Variants in OSBPL1A observed in about 807,000 individuals in gnomAD.
The protein encoded by OSBPL1A is oxysterol binding protein like 1A.
In OSBPL1A, 80 loss-of-function variants were observed where a neutral mutation model predicts 137.1. The observed-to-expected ratio is 0.58, with a 90% CI of 0.49 to 0.70. OSBPL1A has a LOEUF of 0.70. OSBPL1A is among the 30% of genes least tolerant of loss of function. OSBPL1A has a pLI of 0.00. For missense variants in OSBPL1A, 970 were observed against 1,129.4 expected, an observed-to-expected ratio of 0.86 and a Z score of 2.02; for synonymous variants, 365 against 389.7, an observed-to-expected ratio of 0.94 and a Z score of 0.75.
chr18:24,186,130 A>G (rs866629838), intron 18 of OSBPL1A, among the ~76,000 whole-genome samples: 6 of 152,346 alleles, frequency 3.9e-5, no homozygotes, highest in Non-Finnish European at 7.3e-5. Flanking sequence ...GAAAGATCAA[A>G]TTATCTTTCT....
chr18:24,175,849 T>G (rs540252872), intron 21 of OSBPL1A, among the ~76,000 whole-genome samples: 1 of 152,232 alleles, frequency 6.6e-6, no homozygotes, highest in African/African-American at 2.4e-5. Context: ...TTTTAACATA[T>G]AGATGTCCAA....
chr18:24,253,480 T>G (rs1467915277), intron 15 of OSBPL1A, among the ~76,000 whole-genome samples: 1 of 152,144 alleles, frequency 6.6e-6, no homozygotes, highest in African/African-American at 2.4e-5. Flanking sequence ...CAGAACCGAT[T>G]TATCAAAACA....
intron 7 of OSBPL1A, among the ~76,000 whole-genome samples, chr18:24,330,804 C>A (rs994335021): frequency 2.8e-5 from 4 of 142,656 alleles, no homozygotes; most frequent in Non-Finnish European, 6.2e-5. Context: ...GAAACTATTT[C>A]TTTTTTTTTG....
intron 23 of OSBPL1A, 49 bp from the exon 24 acceptor site, chr18:24,170,502 T>A: frequency 6.2e-7 from 1 of 1,610,852 alleles, no homozygotes; most frequent in Non-Finnish European, 8.5e-7. Flanking sequence ...TTTGTTTTTT[T>A]AAAGCCGACA....
intron 5 of OSBPL1A, among the ~76,000 whole-genome samples, chr18:24,335,844 T>C (rs2091166426): frequency 6.6e-6 from 1 of 152,244 alleles, no homozygotes; most frequent in Admixed American, 6.5e-5. Flanking sequence ...CTGCTGAAAT[T>C]AGTTTACCTT....
chr18:24,331,082 C>A (rs1311386459), intron 7 of OSBPL1A, among the ~76,000 whole-genome samples: 8 of 152,238 alleles, frequency 5.3e-5, no homozygotes, highest in Admixed American at 1.3e-4. Flanking sequence ...CTTGAGCCAC[C>A]GGCCTGGCCT....
At chr18:24,388,800 C>CAAAAA (rs57143270) in intron 1 of OSBPL1A, among the ~76,000 whole-genome samples, 5 of 82,828 alleles carry the variant, frequency 6.0e-5, no homozygotes, top group East Asian at 3.4e-4. Flanking sequence ...GACTCTGTCT[C>CAAAAA]AAAAAAAAAA....
intron 21 of OSBPL1A, among the ~76,000 whole-genome samples, chr18:24,175,102 G>GTA (rs2086390578): frequency 2.4e-5 from 2 of 83,612 alleles, no homozygotes; most frequent in East Asian, 3.1e-4. Context: ...TATTTGCCAT[G>GTA]TGTATGTATA....
intron 16 of OSBPL1A, among the ~76,000 whole-genome samples, chr18:24,230,775 A>G (rs2088248058): frequency 6.6e-6 from 1 of 152,224 alleles, no homozygotes; most frequent in African/African-American, 2.4e-5. Flanking sequence ...AAACAGCATA[A>G]AAGATTTATG....
At chr18:24,353,304 A>G (rs1223487302) in intron 4 of OSBPL1A, among the ~76,000 whole-genome samples, 3 of 152,232 alleles carry the variant, frequency 2.0e-5, no homozygotes, top group African/African-American at 7.2e-5. Flanking sequence ...GCAGCCAAAA[A>G]ACACATGAAA....
intron 9 of OSBPL1A, 51 bp downstream of exon 9, chr18:24,318,549 AC>A: frequency 7.1e-7 from 1 of 1,412,000 alleles, no homozygotes; most frequent in Non-Finnish European, 9.8e-7. Flanking sequence ...GAAATAGAGC[AC>A]CTGAGAATTA....
chr18:24,321,761 T>G (rs377320425), intron 7 of OSBPL1A: 110 of 472,054 alleles, frequency 2.3e-4, no homozygotes, highest in Non-Finnish European at 4.3e-4. Flanking sequence ...AATAAATTTT[T>G]TAAAAAGAAA....
intron 2 of OSBPL1A, among the ~76,000 whole-genome samples, chr18:24,374,970 G>A (rs1905975615): frequency 6.6e-6 from 1 of 151,960 alleles, no homozygotes; most frequent in African/African-American, 2.4e-5. Flanking sequence ...CAAACACCAA[G>A]CTAGAGGAAA....
At chr18:24,224,835 C>A (rs915886675) in intron 17 of OSBPL1A, among the ~76,000 whole-genome samples, 1 of 152,174 alleles carries the variant, frequency 6.6e-6, no homozygotes, top group Admixed American at 6.5e-5. Context: ...GATTGCTAAG[C>A]CCATGTGCTC....
chr18:24,244,113 C>T (rs1374537654), intron 15 of OSBPL1A, among the ~76,000 whole-genome samples: 2 of 152,258 alleles, frequency 1.3e-5, no homozygotes, highest in East Asian at 3.9e-4. Context: ...AAATATTCAC[C>T]TTACTTTTGA....
At chr18:24,370,898 A>C (rs1281185108) in intron 2 of OSBPL1A, among the ~76,000 whole-genome samples, 1 of 152,024 alleles carries the variant, frequency 6.6e-6, no homozygotes, top group African/African-American at 2.4e-5. Flanking sequence ...CAAACTCCTG[A>C]GCTCAAGTGA....
At chr18:24,232,933 T>G (rs1226947062) in intron 16 of OSBPL1A, among the ~76,000 whole-genome samples, 1 of 152,212 alleles carries the variant, frequency 6.6e-6, no homozygotes, top group East Asian at 1.9e-4. Flanking sequence ...TCTATTGGTT[T>G]TGCCCATCTA....
chr18:24,298,695 G>C (rs752818117), intron 14 of OSBPL1A, among the ~76,000 whole-genome samples: 1 of 152,198 alleles, frequency 6.6e-6, no homozygotes, highest in Non-Finnish European at 1.5e-5. Context: ...TTAGGGTCTG[G>C]ATTGGGACCC....
intron 15 of OSBPL1A, among the ~76,000 whole-genome samples, chr18:24,267,073 G>A (rs1351395444): frequency 6.6e-6 from 1 of 151,204 alleles, no homozygotes; most frequent in Admixed American, 6.6e-5. Context: ...AAATTTATTT[G>A]GAGATATCCA....
Sources: allele counts gnomAD v4.1 joint callset (sites outside exome capture counted in the v4.1 genomes callset), GRCh38; gene constraint gnomAD v4.1.1; transcripts MANE v1.5; gene names NCBI Gene and HGNC (gene_info 2026-07-23, HGNC 2026-07-21).